The following PCDHA10 variants were observed in gnomAD, a reference collection of about 807,000 sequenced individuals.
PCDHA10 encodes protocadherin alpha-10.
In PCDHA10, 45 loss-of-function variants were observed where a neutral mutation model predicts 61.2. That is an observed-to-expected ratio of 0.74 (90% CI 0.58 to 0.94). The LOEUF is 0.94. Among genes scored for constraint, PCDHA10 ranks in the 40% least tolerant of loss-of-function variants. PCDHA10 has a pLI of 0.00. For synonymous variants in PCDHA10, 602 were observed against 548.8 expected (o/e 1.10, Z -1.35); for missense variants, 1,278 against 1,236.2 (o/e 1.03, Z -0.51).
chr5:140,999,368 A>G (rs549083218), intron 3 of PCDHA10, among the ~76,000 whole-genome samples: 1 of 152,280 alleles, frequency 6.6e-6, no homozygotes, highest in African/African-American at 2.4e-5. Context: ...TCACAATCCC[A>G]TTAGATGGTT....
At chr5:140,904,074 T>G (rs2070811489) in intron 1 of PCDHA10, among the ~76,000 whole-genome samples, 1 of 152,214 alleles carries the variant, frequency 6.6e-6, no homozygotes, top group East Asian at 1.9e-4. Flanking sequence ...GGGAACAGTA[T>G]TTGGTTACAT....
At chr5:140,906,926 T>C (rs1217312413) in intron 1 of PCDHA10, among the ~76,000 whole-genome samples, 1 of 152,194 alleles carries the variant, frequency 6.6e-6, no homozygotes, top group Non-Finnish European at 1.5e-5. Flanking sequence ...CCAAAAAGTG[T>C]CCCGGTGTCA....
chr5:140,876,514 C>A, intron 1 of PCDHA10: 1 of 1,614,026 alleles, frequency 6.2e-7, no homozygotes, highest in East Asian at 2.2e-5. Flanking sequence ...TGACAATGTC[C>A]CTGAAGTAAT....
At chr5:140,932,338 CACTT>C (rs1448800324) in intron 1 of PCDHA10, among the ~76,000 whole-genome samples, 19 of 151,866 alleles carry the variant, frequency 1.3e-4, no homozygotes, top group Non-Finnish European at 2.2e-4. Flanking sequence ...ATGCATGAAA[CACTT>C]ACCATACAAC....
intron 1 of PCDHA10, among the ~76,000 whole-genome samples, chr5:140,941,230 T>C (rs536346214): frequency 7.3e-6 from 1 of 137,584 alleles, no homozygotes; most frequent in African/African-American, 2.9e-5. Context: ...TTTCTTTCTT[T>C]CTTTCTTTCT....
chr5:140,857,218 T>G lies in PCDHA10; in HGVS notation c.1170T>G (p.Pro390=). 6.3e-7 allele frequency: 1 copy of G among 1,598,468 alleles called. No homozygotes were observed. Residue 390 remains proline, a synonymous_variant, in exon 1 of 4, where the codon CCT becomes CCG. Coordinates refer to ENST00000307360, the MANE Select transcript of PCDHA10 (RefSeq NM_018901.4). ...GACAGGTCACCTGCTCTCTGACGCC[T>G]CACGTTCCGTTCAAGCTGGTGTCCA... ...ANGQVTCSLT[P]HVPFKLVSTY... is the part of the protein sequence containing the mutation.
chr5:140,871,369 A>G, intron 1 of PCDHA10: 1 of 1,614,218 alleles, frequency 6.2e-7, no homozygotes. Context: ...GAGGCGGCAG[A>G]GGGTGTGCTC....
intron 1 of PCDHA10, among the ~76,000 whole-genome samples, chr5:140,921,929 A>G (rs2080500807): frequency 6.6e-6 from 1 of 152,244 alleles, no homozygotes; most frequent in East Asian, 1.9e-4. Flanking sequence ...CTTATAGTCA[A>G]TATAATTTTA....
chr5:140,922,207 T>C (rs1208986922), intron 1 of PCDHA10, among the ~76,000 whole-genome samples: 3 of 152,162 alleles, frequency 2.0e-5, no homozygotes, highest in Non-Finnish European at 2.9e-5. Context: ...AATGAAACTT[T>C]GTAAAACATT....
chr5:140,857,320 G>T lies in PCDHA10; in HGVS notation c.1272G>T (p.Val424=). The T allele has an allele frequency of 6.3e-7, 1 of 1,598,728 alleles. No homozygotes were observed. ...GGGTGTCGGCCTATGAGCTGGTGGT[G>T]ACCGCGCGGGACGGGGGCTCGCCTC... The part of the protein sequence containing the change: ...RERVSAYELV[V]TARDGGSPPL... The change falls in exon 1 of 4, where the codon GTG becomes GTT. Residue 424 remains valine, a synonymous_variant. Coordinates refer to ENST00000307360, the MANE Select transcript of PCDHA10 (RefSeq NM_018901.4).
At chr5:140,946,588 A>G (rs2093966025) in intron 1 of PCDHA10, among the ~76,000 whole-genome samples, 1 of 147,134 alleles carries the variant, frequency 6.8e-6, no homozygotes, top group South Asian at 2.1e-4. Context: ...TTCATAGTGG[A>G]TGAATAGATA....
At chr5:140,882,228 T>G in intron 1 of PCDHA10, 1 of 1,564,682 alleles carries the variant, frequency 6.4e-7, no homozygotes, top group Non-Finnish European at 8.7e-7. Context: ...GGTAAGGCGT[T>G]GTATATATTG....
At chr5:140,860,679 T>C (rs1465789150) in intron 1 of PCDHA10, 1 of 152,238 alleles carries the variant, frequency 6.6e-6, no homozygotes, top group Non-Finnish European at 1.5e-5. Flanking sequence ...AATGCACTTA[T>C]GTTTTGAGCG....
intron 1 of PCDHA10, among the ~76,000 whole-genome samples, chr5:140,973,624 A>G (rs2096595807): frequency 6.6e-6 from 1 of 152,204 alleles, no homozygotes; most frequent in African/African-American, 2.4e-5. Flanking sequence ...CTGTTTCTGT[A>G]TCTTGTACAC....
In PCDHA10 at chr5:141,003,093, C is replaced by T. The variant is rs80317990; in HGVS notation, c.2537-6534C>T. 2.0e-4 allele frequency among the ~76,000 whole-genome samples: 30 copies of T among 152,330 alleles called. No individual in the cohort carries two copies. The East Asian group carries it at 5.4e-3, about 27-fold the overall frequency. ...ATGAGGGTGAGTTTAACAGGCCTGG[C>T]ATTTGCTTCACAATCTTCTGGCCCT... On this transcript the variant is annotated intron_variant, in intron 3 of 3. Coordinates refer to ENST00000307360, the MANE Select transcript of PCDHA10 (RefSeq NM_018901.4).
chr5:140,875,028 G>C (rs1321534427), intron 1 of PCDHA10, among the ~76,000 whole-genome samples: 1 of 152,198 alleles, frequency 6.6e-6, no homozygotes, highest in Non-Finnish European at 1.5e-5. Flanking sequence ...CTGGCCTACT[G>C]TATTTGAAAG....
chr5:140,875,981 A>G lies in PCDHA10; in HGVS notation c.2388+17545A>G, dbSNP rs200521027. 1.0e-3 allele frequency: 1,684 copies of G among 1,614,052 alleles called. 3 individuals are homozygous for G. Among genetic ancestry groups the G allele is most frequent in the Admixed American group, 1.5e-3 (93 of 60,032 alleles). ...ATCGGCGTAAACTCTCTTTTGACCT[A>G]TGCGTTAAGTCTAAATGAGAATTTT... On this transcript the variant is annotated intron_variant, in intron 1 of 3. Transcript: ENST00000307360.
intron 1 of PCDHA10, chr5:140,966,378 G>A: frequency 2.5e-6 from 1 of 405,124 alleles, no homozygotes; most frequent in African/African-American, 2.1e-5. Flanking sequence ...AGCAGTCCGG[G>A]TTCGCTGTCC....
At chr5:140,865,421 T>C (rs2048870756) in intron 1 of PCDHA10, 1 of 152,208 alleles carries the variant, frequency 6.6e-6, no homozygotes, top group Non-Finnish European at 1.5e-5. Context: ...TAGTAGTGTC[T>C]ACCTAGAAAA....
Sources: gnomAD v4.1 joint callset for allele counts (sites outside exome capture counted in the v4.1 genomes callset) on GRCh38, gnomAD v4.1.1 for gene constraint, MANE v1.5 for transcripts, NCBI Gene and HGNC (gene_info 2026-07-23, HGNC 2026-07-21) for gene names.